ANTXR1: variants seen among roughly 807,000 people sequenced by gnomAD.
ANTXR1 encodes the protein anthrax toxin receptor 1.
A neutral mutation model predicts 78.1 loss-of-function variants in ANTXR1; 19 were observed. That is an observed-to-expected ratio of 0.24 (90% CI 0.17 to 0.36). ANTXR1 has a LOEUF of 0.36. ANTXR1 is among the 10% of genes least tolerant of loss of function. The pLI, the probability that ANTXR1 is intolerant of heterozygous loss-of-function variation, is 1.00. For synonymous variants in ANTXR1, 273 were observed against 260.5 expected (o/e 1.05, Z -0.46); for missense variants, 518 against 718.6 (o/e 0.72, Z 3.19).
chr2:69,101,674 A>T (rs1232640357), intron 9 of ANTXR1, among the ~76,000 whole-genome samples: 2 of 152,194 alleles, frequency 1.3e-5, no homozygotes, highest in African/African-American at 4.8e-5. Context: ...TAATTCTCTA[A>T]TTTCATTATT....
intron 9 of ANTXR1, among the ~76,000 whole-genome samples, chr2:69,098,479 A>G (rs1671501573): frequency 6.6e-6 from 1 of 152,204 alleles, no homozygotes; most frequent in Non-Finnish European, 1.5e-5. Context: ...GAATATACAG[A>G]TGTCTCATTT....
At chr2:69,089,117 C>T (rs934188623) in intron 8 of ANTXR1, among the ~76,000 whole-genome samples, 17 of 152,048 alleles carry the variant, frequency 1.1e-4, no homozygotes, top group African/African-American at 4.1e-4. Context: ...AAGGATGCTG[C>T]AAACAAATAG....
At chr2:69,243,997 A>C (rs1056774394) in intron 17 of ANTXR1, among the ~76,000 whole-genome samples, 21 of 152,250 alleles carry the variant, frequency 1.4e-4, no homozygotes, top group Admixed American at 7.8e-4. Flanking sequence ...GCAAGTGGCC[A>C]AGCGAAGAGA....
intron 10 of ANTXR1, among the ~76,000 whole-genome samples, chr2:69,120,296 G>A (rs1048937617): frequency 1.1e-4 from 17 of 152,334 alleles, no homozygotes; most frequent in African/African-American, 4.1e-4. Context: ...TAAAGTCACA[G>A]TATTGTTTAA....
Position 69,020,277 on chromosome 2 carries a change from C to T in ANTXR1, c.152+6626C>T, listed in dbSNP as rs76336535. ...ACTTAATGCTTGGTTTTAAATGCTC[C>T]TCTAATTAAGTTCCACATTTGGAGA... On this transcript the variant is annotated intron_variant, in intron 1 of 17. Transcript: ENST00000303714. Among the ~76,000 whole-genome samples, 563 of 152,212 alleles carry T rather than the reference C, an allele frequency of 3.7e-3. 4 individuals carry two copies. The highest frequency in any genetic ancestry group is 0.013 in the African/African-American group (526 of 41,518).
intron 14 of ANTXR1, chr2:69,172,471 T>C: frequency 2.6e-6 from 4 of 1,543,956 alleles, no homozygotes; most frequent in South Asian, 1.2e-5. Context: ...CTGAAAATCA[T>C]AGTCTCAATC....
At chr2:69,152,481 C>T (rs1346524008) in intron 13 of ANTXR1, among the ~76,000 whole-genome samples, 4 of 152,180 alleles carry the variant, frequency 2.6e-5, no homozygotes, top group Non-Finnish European at 5.9e-5. Flanking sequence ...TGCCAATGGC[C>T]GTGCCCCTTG....
chr2:69,014,476 T>G (rs1369517300), intron 1 of ANTXR1, among the ~76,000 whole-genome samples: 1 of 152,182 alleles, frequency 6.6e-6, no homozygotes, highest in Non-Finnish European at 1.5e-5. Flanking sequence ...GAGCCCTGGT[T>G]TCCTTGCAAA....
At chr2:69,235,746 C>A (rs2104526485) in intron 17 of ANTXR1, among the ~76,000 whole-genome samples, 1 of 141,752 alleles carries the variant, frequency 7.1e-6, no homozygotes, top group Non-Finnish European at 1.5e-5. Context: ...CAAAAAATAC[C>A]ATCAGTAAAA....
intron 13 of ANTXR1, among the ~76,000 whole-genome samples, chr2:69,153,423 T>A (rs1673448076): frequency 6.6e-6 from 1 of 152,076 alleles, no homozygotes; most frequent in Admixed American, 6.5e-5. Flanking sequence ...GTGGACCATA[T>A]GGCAGGGACT....
chr2:69,201,408 A>G (rs914115681), intron 17 of ANTXR1, among the ~76,000 whole-genome samples: 1 of 152,106 alleles, frequency 6.6e-6, no homozygotes, highest in Non-Finnish European at 1.5e-5. Context: ...GAGAGGAGGG[A>G]CTGTGGTGAA....
chr2:69,206,004 T>C (rs1035242545), intron 17 of ANTXR1, among the ~76,000 whole-genome samples: 10 of 152,250 alleles, frequency 6.6e-5, no homozygotes, highest in African/African-American at 2.4e-4. Flanking sequence ...TTGTTTAATA[T>C]TAGTGTTTTT....
chr2:69,107,468 G>A (rs1267072943), intron 10 of ANTXR1, among the ~76,000 whole-genome samples: 1 of 152,050 alleles, frequency 6.6e-6, no homozygotes, highest in Non-Finnish European at 1.5e-5. Context: ...TCGAACTCCT[G>A]GGCTCAAGCT....
intron 12 of ANTXR1, among the ~76,000 whole-genome samples, chr2:69,128,710 T>A (rs901325477): frequency 4.6e-5 from 7 of 152,198 alleles, no homozygotes; most frequent in Non-Finnish European, 1.0e-4. Flanking sequence ...CGTGTGGGTA[T>A]CCAAAATATG....
At chr2:69,036,392 A>C (rs1669426211) in intron 1 of ANTXR1, among the ~76,000 whole-genome samples, 1 of 152,240 alleles carries the variant, frequency 6.6e-6, no homozygotes, top group African/African-American at 2.4e-5. Flanking sequence ...TTTAAGTTAC[A>C]CTTAAATGTA....
chr2:69,090,703 TG>T (rs1267776689), intron 8 of ANTXR1, 155 bp from the exon 9 acceptor site: 1 of 687,988 alleles, frequency 1.5e-6, no homozygotes, highest in East Asian at 2.7e-5. Flanking sequence ...TGTTTGGTAT[TG>T]GTACTAGTCA....
At chr2:69,052,550 A>C (rs1389654856) in intron 3 of ANTXR1, among the ~76,000 whole-genome samples, 1 of 152,002 alleles carries the variant, frequency 6.6e-6, no homozygotes, top group East Asian at 1.9e-4. Context: ...TTTTCTCTTT[A>C]TCATACATAT....
At chr2:69,192,152 G>A (rs1186985756) in intron 16 of ANTXR1, among the ~76,000 whole-genome samples, 1 of 152,144 alleles carries the variant, frequency 6.6e-6, no homozygotes, top group Non-Finnish European at 1.5e-5. Flanking sequence ...GGAGTGAGAA[G>A]GACTGTATTA....
chr2:69,233,539 A>G (rs1376411507), intron 17 of ANTXR1, among the ~76,000 whole-genome samples: 1 of 152,000 alleles, frequency 6.6e-6, no homozygotes, highest in East Asian at 1.9e-4. Context: ...TGAAACTATC[A>G]ACTGTGAATA....
Sources: gnomAD v4.1 joint callset for allele counts (sites outside exome capture counted in the v4.1 genomes callset) on GRCh38, gnomAD v4.1.1 for gene constraint, MANE v1.5 for transcripts, NCBI Gene and HGNC (gene_info 2026-07-23, HGNC 2026-07-21) for gene names.